The following PDE3B variants were observed in gnomAD, a reference collection of about 807,000 sequenced individuals.
PDE3B encodes phosphodiesterase 3B.
In PDE3B, 66 loss-of-function variants were observed where a neutral mutation model predicts 116.8. The ratio of observed to expected loss-of-function variants is 0.56; its 90% CI spans 0.46 to 0.69. The LOEUF (loss-of-function observed/expected upper bound fraction) is 0.69. PDE3B is among the 30% of genes least tolerant of loss of function. The pLI is 0.00. For missense variants in PDE3B, 1,384 were observed against 1,368.1 expected, an observed-to-expected ratio of 1.01 and a Z score of -0.18; for synonymous variants, 595 against 533.6, an observed-to-expected ratio of 1.12 and a Z score of -1.59.
intron 12 of PDE3B, among the ~76,000 whole-genome samples, chr11:14,856,819 A>T (rs1434264048): frequency 6.7e-6 from 1 of 150,272 alleles, no homozygotes; most frequent in Non-Finnish European, 1.5e-5. Context: ...GCGCCACTGC[A>T]CTCTAGCCTG....
chr11:14,790,359 A>G (rs1858344847), intron 4 of PDE3B, among the ~76,000 whole-genome samples: 1 of 148,338 alleles, frequency 6.7e-6, no homozygotes, highest in Admixed American at 6.8e-5. Flanking sequence ...AGGAAGCAGG[A>G]TATAGGGAAG....
chr11:14,806,271 T>A (rs1178810981), intron 5 of PDE3B, among the ~76,000 whole-genome samples: 140 of 146,162 alleles, frequency 9.6e-4, no homozygotes, highest in African/African-American at 3.4e-3. Flanking sequence ...AAACCCCGTC[T>A]CTACTAAAAA....
chr11:14,662,837 G>A (rs1448559578), intron 1 of PDE3B, among the ~76,000 whole-genome samples: 6 of 152,232 alleles, frequency 3.9e-5, no homozygotes, highest in East Asian at 1.9e-4. Context: ...TCTGATTGGT[G>A]TACCTGAAAG....
chr11:14,775,616 CA>C (rs1857763210), intron 2 of PDE3B: 1 of 152,376 alleles, frequency 6.6e-6, no homozygotes, highest in South Asian at 2.1e-4. Context: ...CGGCTCACCG[CA>C]ACCTCCAGCT....
chr11:14,741,510 A>G (rs1242521402), intron 1 of PDE3B, among the ~76,000 whole-genome samples: 2 of 152,042 alleles, frequency 1.3e-5, no homozygotes, highest in Admixed American at 6.5e-5. Context: ...TCTCCTGAAT[A>G]CAGCACATCA....
chr11:14,852,362 T>C (rs960777418), intron 12 of PDE3B, among the ~76,000 whole-genome samples: 3 of 152,220 alleles, frequency 2.0e-5, no homozygotes, highest in African/African-American at 7.2e-5. Flanking sequence ...GCCTACTCTA[T>C]GTTTTTATTA....
At chr11:14,718,526 G>A (rs1855985960) in intron 1 of PDE3B, among the ~76,000 whole-genome samples, 2 of 148,772 alleles carry the variant, frequency 1.3e-5, no homozygotes, top group Admixed American at 6.7e-5. Flanking sequence ...TGGAAGTAAA[G>A]CTCTCCTCAG....
At chr11:14,696,469 A>C (rs1451914974) in intron 1 of PDE3B, among the ~76,000 whole-genome samples, 1 of 152,102 alleles carries the variant, frequency 6.6e-6, no homozygotes, top group African/African-American at 2.4e-5. Context: ...CAGTGAGTGA[A>C]GTCTTTCGCC....
chr11:14,647,374 C>G (rs1853439433), intron 1 of PDE3B, among the ~76,000 whole-genome samples: 1 of 151,930 alleles, frequency 6.6e-6, no homozygotes, highest in African/African-American at 2.4e-5. Flanking sequence ...AGTATCCTGT[C>G]AAATTAAGGG....
At chr11:14,779,067 G>T (rs555188189) in intron 2 of PDE3B, among the ~76,000 whole-genome samples, 3 of 152,128 alleles carry the variant, frequency 2.0e-5, no homozygotes, top group Non-Finnish European at 2.9e-5. Context: ...AGAAGAAAGG[G>T]TGTCAGTGAT....
chr11:14,887,460 G>T, the PDE3B span: 1 of 396,038 alleles, frequency 2.5e-6, no homozygotes, highest in Non-Finnish European at 3.4e-6. Context: ...TTTTGGTAAA[G>T]GTGTGTGACT....
At position 14,643,809 on chromosome 11, in the gene PDE3B, C is replaced by T. The variant is rs1379940118; in HGVS notation, c.-267C>T. ...GGAGGCGACACTGAGTCTCCAGTCC[C>T]GAGAGGTGCCCGAGGGAAAAGGAGG... is the stretch of plus-strand genomic sequence containing the variant. On this transcript the variant is annotated 5_prime_UTR_variant, in exon 1 of 16. Coordinates refer to ENST00000282096, the MANE Select transcript of PDE3B (RefSeq NM_000922.4). The T allele has an allele frequency of 2.3e-6, 1 of 429,898 alleles. No individual in the cohort carries two copies. The highest frequency in any genetic ancestry group is 4.1e-6 in the Non-Finnish European group (1 of 246,412). 26.6% of individuals were successfully genotyped at this position (429,898 alleles called of 1,614,324 possible).
At chr11:14,770,850 G>A (rs1414930749) in intron 1 of PDE3B, among the ~76,000 whole-genome samples, 1 of 151,640 alleles carries the variant, frequency 6.6e-6, no homozygotes, top group African/African-American at 2.4e-5. Flanking sequence ...GATTAAACAT[G>A]GGTGTATTAT....
Position 14,870,982 on chromosome 11 carries a change from T to C in PDE3B, c.*1322T>C, listed in dbSNP as rs782316995. 7 of 152,160 alleles carry C rather than the reference T, an allele frequency of 4.6e-5. No individual in the cohort carries two copies. Among genetic ancestry groups the C allele is most frequent in the African/African-American group, 1.4e-4 (6 of 41,450 alleles). 9.4% of individuals were successfully genotyped at this position (152,160 alleles called of 1,614,324 possible). A position where few individuals can be genotyped will look rare whatever the true frequency, so the allele number is the denominator to read the frequency against. The stretch of plus-strand genomic sequence containing the variant: ...TACTTGTGAAATACATTTGAAGATA[T>C]AAAGAGCAGCCAAAATGATGGCAAA... On this transcript the variant is annotated 3_prime_UTR_variant, in exon 16 of 16. Transcript: ENST00000282096. The surrounding 1 kb of genome is among the most constrained non-coding windows in gnomAD (Gnocchi z 4.1).
At chr11:14,882,946 G>C in the PDE3B span, among the ~76,000 whole-genome samples, 1 of 152,020 alleles carries the variant, frequency 6.6e-6, no homozygotes, top group African/African-American at 2.4e-5. Context: ...GCTTCAAAGA[G>C]AATAAAATAC....
the PDE3B span, among the ~76,000 whole-genome samples, chr11:14,893,764 A>G: frequency 0.63 from 95,550 of 151,972 alleles, 30,253 homozygotes; most frequent in Middle Eastern, 0.68. Context: ...GGATAATCCC[A>G]ACTCAAAGAT....
chr11:14,823,601 A>G (rs1486018778), intron 7 of PDE3B, among the ~76,000 whole-genome samples: 2 of 152,162 alleles, frequency 1.3e-5, no homozygotes, highest in African/African-American at 2.4e-5. Flanking sequence ...GTGTCCAGCC[A>G]TCTCTGCTGG....
At chr11:14,796,939 A>G (rs1183680281) in intron 4 of PDE3B, among the ~76,000 whole-genome samples, 2 of 152,178 alleles carry the variant, frequency 1.3e-5, no homozygotes, top group Admixed American at 6.5e-5. Context: ...GTCTTTGCCC[A>G]TGCCTGTGTC....
intron 1 of PDE3B, among the ~76,000 whole-genome samples, chr11:14,710,236 A>G (rs1043946110): frequency 1.3e-5 from 2 of 152,194 alleles, no homozygotes; most frequent in Non-Finnish European, 2.9e-5. Flanking sequence ...TCAATGAGAT[A>G]GTGTATATAA....
Sources: gnomAD v4.1 joint callset for allele counts (sites outside exome capture counted in the v4.1 genomes callset) on GRCh38, gnomAD v4.1.1 for gene constraint, Gnocchi (gnomAD v3.1) non-coding constraint, MANE v1.5 for transcripts, NCBI Gene and HGNC (gene_info 2026-07-23, HGNC 2026-07-21) for gene names.